ANKRD30A: variants seen among roughly 807,000 people sequenced by gnomAD.
ANKRD30A encodes ankyrin repeat domain 30A.
In ANKRD30A, 170 loss-of-function variants were observed where a neutral mutation model predicts 166.3. That is an observed-to-expected ratio of 1.02 (90% CI 0.90 to 1.16). The LOEUF (loss-of-function observed/expected upper bound fraction) is 1.16, where lower values mean the gene tolerates loss of function less well. Among genes scored for constraint, ANKRD30A ranks in the 50% most tolerant of loss-of-function variants. The pLI is 0.00. For missense variants in ANKRD30A, 1,630 were observed against 1,518.0 expected (o/e 1.07, Z -1.23); for synonymous variants, 564 against 508.9 (o/e 1.11, Z -1.46).
Position 37,142,266 on chromosome 10 carries a change from T to A in ANKRD30A, c.1369T>A (p.Ser457Thr). 3 of 1,596,068 alleles carry A rather than the reference T, an allele frequency of 1.9e-6. No homozygotes were observed. Among genetic ancestry groups the A allele is most frequent in the Non-Finnish European group, 2.6e-6 (3 of 1,175,228 alleles). The change falls in exon 7 of 36, where the codon TCA (serine) becomes ACA (threonine). Residue 457 changes from serine (S) to threonine (T), a missense_variant. Around this residue, in one of 4 missense-constraint regions of ANKRD30A, gnomAD observed 904 missense variants for 818.5 expected, o/e 1.10. Coordinates refer to ENST00000361713, the MANE Select transcript of ANKRD30A (RefSeq NM_052997.3). ...SKMIACPTKE[S>T]STKASANDQR... ...GATGATTGCATGTCCTACAAAAGAA[T>A]CATCTACAAAAGCAAGTGCCAATGG...
At chr10:37,212,725 T>C (rs1017228156) in intron 31 of ANKRD30A, among the ~76,000 whole-genome samples, 9 of 151,812 alleles carry the variant, frequency 5.9e-5, no homozygotes, top group African/African-American at 2.2e-4. Flanking sequence ...TTAATCCATG[T>C]TGAGTTAATT....
rs1842764673 is a variant in ANKRD30A at position 37,219,338 on chromosome 10, A to G, written c.3626A>G (p.His1209Arg). ...HPRLASAVQDHDQIVTSRKSQ... is the reference protein window; with the variant it reads ...HPRLASAVQDRDQIVTSRKSQ... ...AGACTGGCTTCTGCTGTACAAGACC[A>G]TGATCAAATTGTGACATCAAGAAAA... Residue 1209 changes from histidine (H) to arginine (R), a missense_variant, in exon 34 of 36, where the codon CAT (histidine) becomes CGT (arginine). His to Arg is a conservative substitution (Grantham distance 29). Transcript: ENST00000361713. 2.5e-6 allele frequency: 4 copies of G among 1,610,336 alleles called. No individual in the cohort carries two copies. The highest frequency in any genetic ancestry group is 1.6e-4 in the Middle Eastern group (1 of 6,064).
intron 15 of ANKRD30A, among the ~76,000 whole-genome samples, chr10:37,159,516 A>C (rs1838665881): frequency 6.6e-6 from 1 of 152,104 alleles, no homozygotes. Flanking sequence ...CCATCTGAAA[A>C]AGCAAAGAAA....
At chr10:37,204,714 G>T (rs944664331) in intron 31 of ANKRD30A, among the ~76,000 whole-genome samples, 6 of 152,098 alleles carry the variant, frequency 3.9e-5, no homozygotes, top group Non-Finnish European at 8.8e-5. Context: ...ATCTGACAAA[G>T]GGCTAATATC....
chr10:37,244,620 G>A, the ANKRD30A span, among the ~76,000 whole-genome samples: 1 of 152,164 alleles, frequency 6.6e-6, no homozygotes, highest in African/African-American at 2.4e-5. Context: ...CCTTCATCAG[G>A]TTACCTCTGC....
chr10:37,263,068 A>G, the ANKRD30A span, among the ~76,000 whole-genome samples: 5 of 152,116 alleles, frequency 3.3e-5, no homozygotes, highest in African/African-American at 7.2e-5. Context: ...TAGATGTTCC[A>G]TCATTTATTT....
At chr10:37,153,740 C>G in intron 13 of ANKRD30A, 78 bp downstream of exon 13, 1 of 1,567,852 alleles carries the variant, frequency 6.4e-7, no homozygotes. Context: ...CCTCTAGTAG[C>G]TGAAGAAAAT....
chr10:37,226,899 C>T (rs1488447552), intron 34 of ANKRD30A, among the ~76,000 whole-genome samples: 1 of 151,860 alleles, frequency 6.6e-6, no homozygotes, highest in African/African-American at 2.4e-5. Flanking sequence ...TATTTGCATT[C>T]CCTAATGACT....
chr10:37,262,233 C>A, the ANKRD30A span, among the ~76,000 whole-genome samples: 1 of 152,142 alleles, frequency 6.6e-6, no homozygotes, highest in South Asian at 2.1e-4. Flanking sequence ...ATCATCCAAG[C>A]TAACAGAAAG....
chr10:37,212,291 A>T (rs1217944851), intron 31 of ANKRD30A, among the ~76,000 whole-genome samples: 1 of 152,036 alleles, frequency 6.6e-6, no homozygotes, highest in Non-Finnish European at 1.5e-5. Flanking sequence ...AGAGTAAAAT[A>T]CCTAGGAATC....
chr10:37,233,101 T>G (rs1394052726), downstream of ANKRD30A, among the ~76,000 whole-genome samples: 1 of 152,200 alleles, frequency 6.6e-6, no homozygotes, highest in East Asian at 1.9e-4. Flanking sequence ...GAAATGTTTT[T>G]TCTTTACCTG....
At chr10:37,199,640 C>T (rs962014888) in intron 29 of ANKRD30A, 87 bp from the exon 30 acceptor site, 32 of 822,678 alleles carry the variant, frequency 3.9e-5, no homozygotes, top group South Asian at 3.6e-4. Flanking sequence ...ACCACAGATT[C>T]GTGAATGAAA....
chr10:37,221,496 C>A (rs1588952872), intron 34 of ANKRD30A, among the ~76,000 whole-genome samples: 1 of 151,050 alleles, frequency 6.6e-6, no homozygotes, highest in East Asian at 2.0e-4. Flanking sequence ...ATGTAACATG[C>A]CAACAGTGAA....
chr10:37,237,767 C>G, the ANKRD30A span, among the ~76,000 whole-genome samples: 1 of 152,156 alleles, frequency 6.6e-6, no homozygotes, highest in African/African-American at 2.4e-5. Flanking sequence ...CACCTCGAAG[C>G]CATCAATGAC....
chr10:37,234,432 A>G (rs1843583518), downstream of ANKRD30A, among the ~76,000 whole-genome samples: 1 of 152,204 alleles, frequency 6.6e-6, no homozygotes, highest in Admixed American at 6.5e-5. Context: ...CACATTAATG[A>G]AAGATAAGAC....
chr10:37,201,445 G>T (rs1841621168), intron 31 of ANKRD30A, 120 bp downstream of exon 31: 2 of 700,378 alleles, frequency 2.9e-6, no homozygotes, highest in South Asian at 2.4e-5. Flanking sequence ...TGGAAAAAAA[G>T]AGAAGTGCAA....
At chr10:37,206,960 A>C (rs921142372) in intron 31 of ANKRD30A, among the ~76,000 whole-genome samples, 1 of 152,168 alleles carries the variant, frequency 6.6e-6, no homozygotes, top group African/African-American at 2.4e-5. Context: ...ATACTTAATT[A>C]ATATTTAACA....
chr10:37,154,342 G>A (rs1051706208), intron 13 of ANKRD30A, among the ~76,000 whole-genome samples: 2 of 152,208 alleles, frequency 1.3e-5, no homozygotes. Flanking sequence ...AGATTCAGCC[G>A]ACTTGGGATT....
chr10:37,143,395 C>A (rs1273257619), intron 7 of ANKRD30A, among the ~76,000 whole-genome samples: 1 of 152,164 alleles, frequency 6.6e-6, no homozygotes, highest in Non-Finnish European at 1.5e-5. Context: ...GTGGCTCACA[C>A]CTGTAATCCC....
Sources: allele counts gnomAD v4.1 joint callset (sites outside exome capture counted in the v4.1 genomes callset), GRCh38; gene constraint gnomAD v4.1.1; regional missense constraint gnomAD v4.1.1; transcripts MANE v1.5; gene names NCBI Gene and HGNC (gene_info 2026-07-23, HGNC 2026-07-21).